ALDH3B1: variants seen among roughly 807,000 people sequenced by gnomAD.
ALDH3B1 encodes aldehyde dehydrogenase family 3 member B1.
Under a neutral mutation model 46.2 loss-of-function variants are expected in ALDH3B1, and 37 were observed. The observed-to-expected ratio is 0.80, with a 90% CI of 0.62 to 1.05. ALDH3B1 has a LOEUF of 1.05. Ranked by LOEUF, ALDH3B1 falls within the 50% of genes least tolerant of loss-of-function variation. The pLI is 0.00. For missense variants in ALDH3B1, 603 were observed against 665.5 expected (o/e 0.91, Z 1.03); for synonymous variants, 283 against 281.0 (o/e 1.01, Z -0.07).
upstream of ALDH3B1, among the ~76,000 whole-genome samples, chr11:68,009,102 G>A (rs905065459): frequency 2.0e-5 from 3 of 152,212 alleles, no homozygotes; most frequent in South Asian, 2.1e-4. Context: ...GGGGACATCC[G>A]AAACGGGTGC....
At chr11:68,017,776 G>C (rs1857383179) in intron 2 of ALDH3B1, 1 of 152,182 alleles carries the variant, frequency 6.6e-6, no homozygotes, top group Non-Finnish European at 1.5e-5. Flanking sequence ...TGCTCTTTGG[G>C]AGACTGAGGT....
At chr11:68,027,081 G>A (rs898517924) in intron 9 of ALDH3B1, among the ~76,000 whole-genome samples, 2 of 151,662 alleles carry the variant, frequency 1.3e-5, no homozygotes, top group African/African-American at 2.4e-5. Context: ...GCCCCACCCC[G>A]GCTTCCCCAC....
intron 9 of ALDH3B1, among the ~76,000 whole-genome samples, chr11:68,027,329 G>T (rs1472047348): frequency 6.6e-6 from 1 of 152,164 alleles, no homozygotes; most frequent in Non-Finnish European, 1.5e-5. Context: ...AGACGCTGAG[G>T]AGAGTTCACT....
chr11:68,022,614 T>C lies in ALDH3B1; in HGVS notation c.969T>C (p.Asp323=), dbSNP rs1374929761. 3.1e-6 allele frequency: 5 copies of C among 1,613,674 alleles called. No homozygotes were observed. The highest frequency in any genetic ancestry group is 1.7e-5 in the Admixed American group (1 of 59,992). Residue 323 remains aspartate (D), a synonymous_variant, in exon 8 of 10, where the codon GAT becomes GAC. Coordinates refer to ENST00000342456, the MANE Select transcript of ALDH3B1 (RefSeq NM_000694.4). ...CTGCAGCCCCCACGGTGCTGGTGGA[T>C]GTGCAGGAGATGGAGCCTGTGATGC... ...DRYIAPTVLV[D]VQEMEPVMQE...
In ALDH3B1 at chr11:68,019,314, C is replaced by T. The variant is rs1857432498; in HGVS notation, c.480+59C>T. 3 of 1,497,496 alleles carry T rather than the reference C, an allele frequency of 2.0e-6. No individual in the cohort carries two copies. The Admixed American group carries it at 5.6e-5, about 28-fold the overall frequency. The allele number at this position is 1,497,496 out of a possible 1,614,324, so 92.8% of individuals were successfully genotyped here. On this transcript the variant is annotated intron_variant, in intron 5 of 9. Coordinates refer to ENST00000342456, the MANE Select transcript of ALDH3B1 (RefSeq NM_000694.4). Reference sequence around the variant, plus strand: ...CAGGCAAGGCTCAAGGGCTGGGCAGCCCCTGGCATGGAAGGGCCTGTCAGT... The same window carrying T: ...CAGGCAAGGCTCAAGGGCTGGGCAGTCCCTGGCATGGAAGGGCCTGTCAGT...
intron 8 of ALDH3B1, chr11:68,025,285 C>G (rs1408493744): frequency 6.6e-6 from 1 of 152,228 alleles, no homozygotes; most frequent in Non-Finnish European, 1.5e-5. Context: ...ACGTCTGAAT[C>G]CACTGGGGGC....
intron 8 of ALDH3B1, chr11:68,024,153 A>C (rs1857570080): frequency 6.6e-6 from 1 of 152,210 alleles, no homozygotes; most frequent in African/African-American, 2.4e-5. Flanking sequence ...GAACATCCCC[A>C]GCCTCAGGTC....
intron 2 of ALDH3B1, chr11:68,016,887 C>T (rs1857363764): frequency 6.6e-6 from 1 of 152,412 alleles, no homozygotes; most frequent in Non-Finnish European, 1.5e-5. Context: ...CACCTCCTGC[C>T]TTCCCATCCC....
Position 68,027,965 on chromosome 11 carries a change from AC to A in ALDH3B1, c.*28del. 6.4e-7 allele frequency: 1 copy of A among 1,554,740 alleles called. No homozygotes were observed. The highest frequency in any genetic ancestry group is 8.6e-7 in the Non-Finnish European group (1 of 1,157,336). ...GCCCTTCCCCAGGCCCAGGCTGTAG[AC>A]CACCATGACAGCTGTCGCCTGCGGC... On this transcript the variant is annotated 3_prime_UTR_variant, in exon 10 of 10. Coordinates refer to ENST00000342456, the MANE Select transcript of ALDH3B1 (RefSeq NM_000694.4).
intron 6 of ALDH3B1, among the ~76,000 whole-genome samples, chr11:68,021,165 CAA>C (rs1269429911): frequency 6.6e-6 from 1 of 152,126 alleles, no homozygotes; most frequent in Non-Finnish European, 1.5e-5. Flanking sequence ...CAGCATTTTG[CAA>C]AGAGTCCCCT....
intron 9 of ALDH3B1, 87 bp downstream of exon 9, chr11:68,026,195 GC>G: frequency 8.5e-7 from 1 of 1,172,304 alleles, no homozygotes. Flanking sequence ...AAGCACCCCA[GC>G]CCCACCTCAA....
chr11:68,028,231 G>T lies in ALDH3B1; in HGVS notation c.*292G>T. The T allele has an allele frequency of 1.7e-6, 1 of 587,306 alleles. No homozygotes were observed. The highest frequency in any genetic ancestry group is 1.6e-5 in the South Asian group (1 of 63,608). The allele number at this position is 587,306 out of a possible 1,614,324, so 36.4% of individuals were successfully genotyped here. A position where few individuals can be genotyped will look rare whatever the true frequency, so the allele number is the denominator to read the frequency against. On this transcript the variant is annotated 3_prime_UTR_variant, in exon 10 of 10. Transcript: ENST00000342456. ...ATATTCAGGAGAAGAGGACAGACACGGCACCTCTGAGTCACCCCTCTCCTG... is the reference window on the plus strand; with the variant it reads ...ATATTCAGGAGAAGAGGACAGACACTGCACCTCTGAGTCACCCCTCTCCTG...
rs577967433 is a variant in ALDH3B1, at chr11:68,021,655, G to A, written c.733G>A (p.Val245Met). The change falls in exon 7 of 10, where the codon GTG becomes ATG. Residue 245 changes from valine to methionine, a missense_variant. Transcript: ENST00000342456. ...FRYFNAGQTC[V>M]APDYVLCSPE... ...CTACTTCAACGCCGGCCAGACCTGC[G>A]TGGCCCCCGACTACGTCCTATGCAG... 34 of 1,613,936 alleles carry A rather than the reference G, an allele frequency of 2.1e-5. No homozygotes were observed. In the East Asian group the frequency reaches 3.6e-4, roughly 17 times the overall value.
At position 68,021,532 on chromosome 11, in the gene ALDH3B1, C is replaced by T. The variant is rs1162024978; in HGVS notation, c.610C>T (p.Leu204=). ...TGTTATGACTGCTGCCGCCAAGCAC[C>T]TGACACCTGTCACCCTGGAGCTGGG... The part of the protein sequence containing the change: ...KIVMTAAAKH[L]TPVTLELGGK... Residue 204 remains leucine, a synonymous_variant, in exon 7 of 10, where the codon CTG becomes TTG. Coordinates refer to ENST00000342456, the MANE Select transcript of ALDH3B1 (RefSeq NM_000694.4). 3 of 1,614,046 alleles carry T rather than the reference C, an allele frequency of 1.9e-6. No individual in the cohort carries two copies. The highest frequency in any genetic ancestry group is 2.2e-5 in the East Asian group (1 of 44,886).
chr11:68,026,015 A>C lies in ALDH3B1; in HGVS notation c.1123A>C (p.Lys375Gln). ...ACATCCTGTTCTCTCCCAGGTGGTC[A>C]AGCGGGTGCTGACCCAGACCAGCAG... ...YAFSNSSQVVKRVLTQTSSGG... is the reference protein window; with the variant it reads ...YAFSNSSQVVQRVLTQTSSGG... Residue 375 changes from lysine to glutamine, a missense_variant, in exon 9 of 10, where the codon AAG (lysine) becomes CAG (glutamine). Physicochemically the swap from Lys to Gln is moderately conservative, Grantham distance 53. Coordinates refer to ENST00000342456, the MANE Select transcript of ALDH3B1 (RefSeq NM_000694.4). 6.3e-7 allele frequency: 1 copy of C among 1,599,550 alleles called. No homozygotes were observed. Among genetic ancestry groups the C allele is most frequent in the Non-Finnish European group, 8.5e-7 (1 of 1,173,052 alleles).
At chr11:68,020,072 G>T (rs1041365365) in intron 6 of ALDH3B1, among the ~76,000 whole-genome samples, 2 of 152,106 alleles carry the variant, frequency 1.3e-5, no homozygotes, top group African/African-American at 4.8e-5. Flanking sequence ...TGCCCCCCAG[G>T]CTCTTAGACA....
intron 6 of ALDH3B1, among the ~76,000 whole-genome samples, chr11:68,020,696 A>AGCCCTGGAAGGAACCACT (rs1482289525): frequency 4.3e-4 from 65 of 152,330 alleles, no homozygotes; most frequent in African/African-American, 1.5e-3. Flanking sequence ...AAGGAACCAC[A>AGCCCTGGAAGGAACCACT]GAGCCCAGGA....
intron 8 of ALDH3B1, among the ~76,000 whole-genome samples, chr11:68,023,861 G>A (rs1208352383): frequency 1.3e-5 from 2 of 151,780 alleles, no homozygotes; most frequent in East Asian, 3.9e-4. Flanking sequence ...TGGCAATATA[G>A]CAAAACCCCG....
intron 9 of ALDH3B1, among the ~76,000 whole-genome samples, 167 bp downstream of exon 9, chr11:68,026,275 G>A (rs1857621565): frequency 6.6e-6 from 1 of 152,132 alleles, no homozygotes; most frequent in Non-Finnish European, 1.5e-5. Context: ...GAGGGTCTGA[G>A]TCCAATCTGG....
Sources: gnomAD v4.1 joint callset for allele counts (sites outside exome capture counted in the v4.1 genomes callset) on GRCh38, gnomAD v4.1.1 for gene constraint, MANE v1.5 for transcripts, NCBI Gene and HGNC (gene_info 2026-07-23, HGNC 2026-07-21) for gene names.